The following PLXND1 variants were observed in gnomAD, a reference collection of about 807,000 sequenced individuals.
PLXND1 encodes the protein plexin-D1.
Under a neutral mutation model 197.7 loss-of-function variants are expected in PLXND1, and 54 were observed. The observed-to-expected ratio is 0.27, with a 90% CI of 0.22 to 0.34. The LOEUF (loss-of-function observed/expected upper bound fraction) is 0.34, where lower values mean the gene tolerates loss of function less well. Among genes scored for constraint, PLXND1 ranks in the 10% least tolerant of loss-of-function variants. PLXND1 has a pLI of 1.00. For synonymous variants in PLXND1, 1,180 were observed against 1,161.2 expected, an observed-to-expected ratio of 1.02 and a Z score of -0.33; for missense variants, 2,127 against 2,699.2, an observed-to-expected ratio of 0.79 and a Z score of 4.70.
chr3:129,556,197 C>A lies in PLXND1; in HGVS notation c.*115G>T, dbSNP rs2084970594. On this transcript the variant is annotated 3_prime_UTR_variant, in exon 36 of 36. Transcript: ENST00000324093. ...GCCCCTCCTCCTGCCCCCGCCCCAG[C>A]CGTCTCTGCTCAGTATTTCCCAGTC... 7 of 776,190 alleles carry A rather than the reference C, an allele frequency of 9.0e-6. No individual in the cohort carries two copies. The highest frequency in any genetic ancestry group is 1.3e-5 in the Non-Finnish European group (6 of 452,840). 48.1% of individuals were successfully genotyped at this position (776,190 alleles called of 1,614,324 possible). A position where few individuals can be genotyped will look rare whatever the true frequency, so the allele number is the denominator to read the frequency against.
chr3:129,592,049 C>T (rs1009239807), intron 1 of PLXND1, among the ~76,000 whole-genome samples: 6 of 152,198 alleles, frequency 3.9e-5, no homozygotes, highest in Non-Finnish European at 5.9e-5. Flanking sequence ...ATCACAAGCT[C>T]GTTCCTGCCT....
chr3:129,568,320 T>C (rs1285540606), intron 20 of PLXND1, among the ~76,000 whole-genome samples: 1 of 152,196 alleles, frequency 6.6e-6, no homozygotes, highest in Non-Finnish European at 1.5e-5. Flanking sequence ...ATACATAATG[T>C]ATTAAAATAT....
At chr3:129,572,333 G>A (rs936627549) in intron 15 of PLXND1, among the ~76,000 whole-genome samples, 1 of 152,250 alleles carries the variant, frequency 6.6e-6, no homozygotes, top group African/African-American at 2.4e-5. Context: ...CCAGCCAGAA[G>A]ATCTGTGTGT....
intron 8 of PLXND1, 148 bp downstream of exon 8, chr3:129,583,419 G>A (rs886976929): frequency 6.6e-6 from 4 of 603,060 alleles, no homozygotes; most frequent in African/African-American, 1.9e-5. Flanking sequence ...TGGGTTAAAC[G>A]CACCGTGGTA....
intron 1 of PLXND1, among the ~76,000 whole-genome samples, chr3:129,594,176 G>T (rs1352253130): frequency 6.6e-6 from 1 of 152,208 alleles, no homozygotes. Flanking sequence ...TACCACACCG[G>T]CTGCGGAGGC....
At chr3:129,560,930 C>A (rs183987166) in intron 29 of PLXND1, 1 of 671,946 alleles carries the variant, frequency 1.5e-6, no homozygotes, top group Non-Finnish European at 2.7e-6. Context: ...GATGCAGAGA[C>A]GCATGGGGAG....
rs1379625882 is a variant in PLXND1 at position 129,584,523 on chromosome 3, T to C, written c.1891A>G (p.Ser631Gly). 3.1e-6 allele frequency: 5 copies of C among 1,613,020 alleles called. No individual in the cohort carries two copies. The highest frequency in any genetic ancestry group is 1.1e-5 in the South Asian group (1 of 90,968). Reference sequence around the variant, plus strand: ...TAGTCACAGGCCATCTCCATGCCACTGAGGCTGGGCAGGCTGCCCGAGATC... The same window carrying C: ...TAGTCACAGGCCATCTCCATGCCACCGAGGCTGGGCAGGCTGCCCGAGATC... The part of the protein sequence containing the change: ...LQISGSLPSL[S>G]GMEMACDYGN... Residue 631 changes from serine to glycine, a missense_variant, in exon 6 of 36, where the codon AGT (serine) becomes GGT (glycine). Transcript: ENST00000324093.
chr3:129,575,474 A>G lies in PLXND1; in HGVS notation c.2525T>C (p.Met842Thr). ...PARFLDSPEP[M>T]TVMVYNCAMG... is the part of the protein sequence containing the mutation. ...GGGCGGGTGGGGGTGCCCACCTGTCATGGGCTCAGGGCTGTCCAGGAATCG... is the reference window on the plus strand; with the variant it reads ...GGGCGGGTGGGGGTGCCCACCTGTCGTGGGCTCAGGGCTGTCCAGGAATCG... Residue 842 changes from methionine to threonine, a missense_variant, in exon 11 of 36, where the codon ATG becomes ACG. Met to Thr is a moderately conservative substitution (Grantham distance 81). Transcript: ENST00000324093. 1 of 1,550,326 alleles carries G rather than the reference A, an allele frequency of 6.5e-7. No homozygotes were observed. Among genetic ancestry groups the G allele is most frequent in the Non-Finnish European group, 8.7e-7 (1 of 1,145,502 alleles).
At chr3:129,568,715 A>G (rs1290050159) in intron 20 of PLXND1, among the ~76,000 whole-genome samples, 1 of 152,044 alleles carries the variant, frequency 6.6e-6, no homozygotes, top group Non-Finnish European at 1.5e-5. Flanking sequence ...TGCCCAGGTA[A>G]TTTTTGTATT....
At position 129,563,200 on chromosome 3, in the gene PLXND1, A is replaced by G. The variant is rs1406442487; in HGVS notation, c.4562T>C (p.Ile1521Thr). Residue 1521 changes from isoleucine to threonine, a missense_variant, in exon 26 of 36, where the codon ATC (isoleucine) becomes ACC (threonine). Physicochemically the swap from Ile to Thr is moderately conservative, Grantham distance 89. This residue lies in a region of PLXND1 where 532 missense variants were observed against 811.0 expected (regional missense o/e 0.66). Transcript: ENST00000324093. ...GGAGCCCTTGTTGATTTGCTGCTTG[A>G]TGGCACACAGCAGCAGGAAGAATGG... ...GEPFFLLLCAIKQQINKGSID... is the reference protein window; with the variant it reads ...GEPFFLLLCATKQQINKGSID... 6.2e-7 allele frequency: 1 copy of G among 1,612,532 alleles called. No homozygotes were observed. The highest frequency in any genetic ancestry group is 8.5e-7 in the Non-Finnish European group (1 of 1,179,270).
rs372159281 is a variant in PLXND1, at chr3:129,556,311, C to G, written c.*1G>C. 34 of 1,593,244 alleles carry G rather than the reference C, an allele frequency of 2.1e-5. No individual in the cohort carries two copies. Among genetic ancestry groups the G allele is most frequent in the Non-Finnish European group, 2.6e-5 (30 of 1,161,024 alleles). On this transcript the variant is annotated 3_prime_UTR_variant, in exon 36 of 36. Coordinates refer to ENST00000324093, the MANE Select transcript of PLXND1 (RefSeq NM_015103.3). ...GCAGCCTGACCAACTCTCCATGTGT[C>G]TCAGGCCTCACTGTAGCACTCGTAG...
chr3:129,584,649 C>G, intron 5 of PLXND1, 87 bp from the exon 6 acceptor site: 17 of 1,298,122 alleles, frequency 1.3e-5, no homozygotes, highest in Non-Finnish European at 1.8e-5. Flanking sequence ...CAAGGTCTGG[C>G]ACTGCCTGAA....
chr3:129,591,059 T>C (rs572393055), intron 1 of PLXND1, among the ~76,000 whole-genome samples: 4 of 152,364 alleles, frequency 2.6e-5, no homozygotes, highest in African/African-American at 9.6e-5. Flanking sequence ...AAATAGTGGG[T>C]CCTTCTGTGC....
At chr3:129,556,527 G>A (rs568831541) in intron 35 of PLXND1, 90 bp downstream of exon 35, 76 of 1,321,954 alleles carry the variant, frequency 5.7e-5, no homozygotes, top group Admixed American at 2.9e-4. Flanking sequence ...AGTGACATCC[G>A]TCCATTAGGG....
chr3:129,572,833 C>T lies in PLXND1; in HGVS notation c.2937+9G>A, dbSNP rs374678721. The T allele has an allele frequency of 7.9e-5, 128 of 1,613,216 alleles. No homozygotes were observed. Among genetic ancestry groups the T allele is most frequent in the Non-Finnish European group, 1.0e-4 (118 of 1,179,530 alleles). ...GCGGGCCGGACAGTGGGCTGCAGCC[C>T]CCCCTTACCACGTAGGAGAAGCGGT... On this transcript the variant is annotated intron_variant, in intron 14 of 35. Coordinates refer to ENST00000324093, the MANE Select transcript of PLXND1 (RefSeq NM_015103.3).
Position 129,605,741 on chromosome 3 carries a change from G to T in PLXND1, c.899C>A (p.Ala300Glu). 6.5e-7 allele frequency: 1 copy of T among 1,548,450 alleles called. No individual in the cohort carries two copies. Among genetic ancestry groups the T allele is most frequent in the African/African-American group, 1.4e-5 (1 of 72,956 alleles). The change falls in exon 1 of 36, where the codon GCG becomes GAG. Residue 300 changes from alanine to glutamate, a missense_variant. Around this residue, in one of 6 missense-constraint regions of PLXND1, gnomAD observed 1,095 missense variants for 1,259.8 expected, o/e 0.87. Transcript: ENST00000324093. Reference protein sequence around the residue: ...PPGAQSYAYLALNSEARAGDK... With the variant: ...PPGAQSYAYLELNSEARAGDK... Reference sequence around the variant, plus strand: ...GCCCGCGCGCGCCTCGCTGTTGAGCGCCAGGTACGCGTAGGACTGTGCACC... The same window carrying T: ...GCCCGCGCGCGCCTCGCTGTTGAGCTCCAGGTACGCGTAGGACTGTGCACC...
In PLXND1 at chr3:129,606,439, C is replaced by T. The variant is rs375347947; in HGVS notation, c.201G>A (p.Ala67=). 32 of 1,481,090 alleles carry T rather than the reference C, an allele frequency of 2.2e-5. No individual in the cohort carries two copies. Among genetic ancestry groups the T allele is most frequent in the Non-Finnish European group, 2.8e-5 (31 of 1,123,370 alleles). The allele number at this position is 1,481,090 out of a possible 1,614,324, so 91.7% of individuals were successfully genotyped here. ...CGGCCGCCAGGTACACGGTCCCCGCCGCGCCGTCCAGGGCGAAGTTGTTGG... is the reference window on the plus strand; with the variant it reads ...CGGCCGCCAGGTACACGGTCCCCGCTGCGCCGTCCAGGGCGAAGTTGTTGG... ...TPTNNFALDG[A]AGTVYLAAVN... The change falls in exon 1 of 36, where the codon GCG becomes GCA. Residue 67 remains alanine (A), a synonymous_variant. Coordinates refer to ENST00000324093, the MANE Select transcript of PLXND1 (RefSeq NM_015103.3).
At chr3:129,600,591 A>G (rs2085693136) in intron 1 of PLXND1, among the ~76,000 whole-genome samples, 1 of 151,882 alleles carries the variant, frequency 6.6e-6, no homozygotes, top group Non-Finnish European at 1.5e-5. Flanking sequence ...GGGGGTCGAG[A>G]CATTCTCAGG....
intron 32 of PLXND1, chr3:129,559,336 CCCACCTGAGAGGGGTG>C: frequency 3.0e-6 from 1 of 331,730 alleles, no homozygotes; most frequent in Non-Finnish European, 5.5e-6. Context: ...GCTGATGGTG[CCCACCTGAGAGGGGTG>C]CGGGAGAATG....
Sources: gnomAD v4.1 joint callset for allele counts (sites outside exome capture counted in the v4.1 genomes callset) on GRCh38, gnomAD v4.1.1 for gene constraint, gnomAD v4.1.1 regional missense constraint, MANE v1.5 for transcripts, NCBI Gene and HGNC (gene_info 2026-07-23, HGNC 2026-07-21) for gene names.